The following CDC34 variants were observed in gnomAD, a reference collection of about 807,000 sequenced individuals.
The protein encoded by CDC34 is ubiquitin-conjugating enzyme E2 R1.
A neutral mutation model predicts 26.8 loss-of-function variants in CDC34; 18 were observed. The observed-to-expected ratio is 0.67, with a 90% CI of 0.47 to 1.00. The LOEUF (loss-of-function observed/expected upper bound fraction) is 1.00. Among genes scored for constraint, CDC34 ranks in the 50% least tolerant of loss-of-function variants. The pLI, the probability that CDC34 is intolerant of heterozygous loss-of-function variation, is 0.00. For missense variants in CDC34, 280 were observed against 334.5 expected, an observed-to-expected ratio of 0.84 and a Z score of 1.27; for synonymous variants, 178 against 147.5, an observed-to-expected ratio of 1.21 and a Z score of -1.50.
intron 2 of CDC34, 27 bp downstream of exon 2, chr19:535,950 G>T: frequency 1.3e-6 from 2 of 1,597,354 alleles, no homozygotes; most frequent in Non-Finnish European, 1.7e-6. Flanking sequence ...CGGGCCTCAA[G>T]TCCTCATCCT....
chr19:541,917 C>T lies in CDC34; in HGVS notation c.*365C>T, dbSNP rs7528. The T allele has an allele frequency of 0.051, 9,145 of 178,122 alleles. 291 individuals carry two copies. Among genetic ancestry groups the T allele is most frequent in the Non-Finnish European group, 0.064 (5,403 of 84,282 alleles). The allele number at this position is 178,122 out of a possible 1,614,324, so 11.0% of individuals were successfully genotyped here. A position where few individuals can be genotyped will look rare whatever the true frequency, so the allele number is the denominator to read the frequency against. ...TGGGAACGTGGGCGGGGGGCCGTTT[C>T]CTGACACTACCAGCCTGGGAGGCCC... On this transcript the variant is annotated 3_prime_UTR_variant, in exon 5 of 5. Transcript: ENST00000215574.
In CDC34 at chr19:536,307, C is replaced by T; in HGVS notation, c.329C>T (p.Pro110Leu). Reference protein sequence around the residue: ...PVDDPQSGELPSERWNPTQNV... With the variant: ...PVDDPQSGELLSERWNPTQNV... ...GACGACCCCCAGAGCGGGGAGCTGC[C>T]CTCAGAGAGGTGGAACCCCACGCAG... Residue 110 changes from proline to leucine, a missense_variant, in exon 3 of 5, where the codon CCC (proline) becomes CTC (leucine). By Grantham distance (98) the Pro-to-Leu change is moderately conservative. Coordinates refer to ENST00000215574, the MANE Select transcript of CDC34 (RefSeq NM_004359.2). 6.2e-7 allele frequency: 1 copy of T among 1,612,556 alleles called. No individual in the cohort carries two copies. Among genetic ancestry groups the T allele is most frequent in the African/African-American group, 1.3e-5 (1 of 75,044 alleles).
At position 536,394 on chromosome 19, in the gene CDC34, CGT is replaced by C. The variant is rs1161954057; in HGVS notation, c.362+55_362+56del. On this transcript the variant is annotated intron_variant, in intron 3 of 4. Transcript: ENST00000215574. Reference sequence around the variant, plus strand: ...CCAGAACATCAGGTAGGCCGGGCTCCGTCCCGTATCCACCCAGACCATCAGGT... The same window carrying C: ...CCAGAACATCAGGTAGGCCGGGCTCCCCCGTATCCACCCAGACCATCAGGT... 123 of 1,347,292 alleles carry C rather than the reference CGT, an allele frequency of 9.1e-5. No homozygotes were observed. The Middle Eastern group carries it at 1.9e-3, about 21-fold the overall frequency. 83.5% of individuals were successfully genotyped at this position (1,347,292 alleles called of 1,614,324 possible).
intron 1 of CDC34, among the ~76,000 whole-genome samples, chr19:533,767 A>G (rs950304402): frequency 1.3e-5 from 2 of 152,174 alleles, no homozygotes; most frequent in Non-Finnish European, 2.9e-5. Flanking sequence ...GGGCCTCTAG[A>G]CATCTGCCAC....
intron 1 of CDC34, among the ~76,000 whole-genome samples, chr19:535,291 C>G (rs890043132): frequency 5.3e-5 from 8 of 152,278 alleles, no homozygotes; most frequent in African/African-American, 1.9e-4. Flanking sequence ...CACCTGAGGG[C>G]AGACGGCCAT....
rs1202102101 is a variant in CDC34, at chr19:541,553, C to T, written c.*1C>T. 3.2e-6 allele frequency: 5 copies of T among 1,572,028 alleles called. No individual in the cohort carries two copies. The highest frequency in any genetic ancestry group is 2.3e-5 in the East Asian group (1 of 44,260). On this transcript the variant is annotated 3_prime_UTR_variant, in exon 5 of 5. Transcript: ENST00000215574. ...TGACTCTGGCACGGAGGAGTCCTGA[C>T]ACCACCAGAATAAACTTGCCGAGTT...
In CDC34 at chr19:536,239, G is replaced by A. The variant is rs761239346; in HGVS notation, c.265-4G>A. 3.7e-6 allele frequency: 6 copies of A among 1,601,884 alleles called. No homozygotes were observed. The Admixed American group carries it at 8.6e-5, about 23-fold the overall frequency. On this transcript the variant is annotated splice_polypyrimidine_tract_variant and splice_region_variant and intron_variant, in intron 2 of 4. Transcript: ENST00000215574. ...CTGTTCTGACCTGTCTTCTTCTTGT[G>A]CAGACGGGGGACGTGTGTATCTCCA...
chr19:538,641 T>C (rs886642550), intron 4 of CDC34: 1 of 890,018 alleles, frequency 1.1e-6, no homozygotes, highest in Non-Finnish European at 1.3e-6. Context: ...ACTTTTAAAA[T>C]ATTGCACACA....
chr19:535,762 G>T, intron 1 of CDC34, 75 bp from the exon 2 acceptor site: 1 of 1,140,458 alleles, frequency 8.8e-7, no homozygotes, highest in Non-Finnish European at 1.3e-6. Context: ...GAGTGGGATG[G>T]CCTTGGGCAC....
At position 539,915 on chromosome 19, in the gene CDC34, G is replaced by A. The variant is rs1017186334; in HGVS notation, c.498-1424G>A. ...GCCGGGTGTACACGGTGCCCTCCAGGAAGTTTGAGCTAACTTGTCCTCCCT... is the reference window on the plus strand; with the variant it reads ...GCCGGGTGTACACGGTGCCCTCCAGAAAGTTTGAGCTAACTTGTCCTCCCT... On this transcript the variant is annotated intron_variant, in intron 4 of 4. Coordinates refer to ENST00000215574, the MANE Select transcript of CDC34 (RefSeq NM_004359.2). Among the ~76,000 whole-genome samples the A allele has an allele frequency of 7.2e-5, 11 of 152,324 alleles. No homozygotes were observed. In the Middle Eastern group the frequency reaches 0.01, roughly 141 times the overall value.
intron 1 of CDC34, among the ~76,000 whole-genome samples, chr19:534,497 G>T: frequency 9.6e-6 from 1 of 103,970 alleles, no homozygotes; most frequent in Non-Finnish European, 1.9e-5. Context: ...CACGATCCAA[G>T]ACCCCCTGAG....
rs1980024292 is a variant in CDC34, at chr19:541,649, C to T, written c.*97C>T. ...CTCACGGAGGTTTTGTGCTGGTCCC[C>T]GTCTCCTCTGGTTGTTTCGTTTTGG... On this transcript the variant is annotated 3_prime_UTR_variant, in exon 5 of 5. Transcript: ENST00000215574. 8.1e-6 allele frequency: 11 copies of T among 1,352,696 alleles called. No individual in the cohort carries two copies. The highest frequency in any genetic ancestry group is 2.9e-5 in the Admixed American group (1 of 34,022). The allele number at this position is 1,352,696 out of a possible 1,614,324, so 83.8% of individuals were successfully genotyped here. A position where few individuals can be genotyped will look rare whatever the true frequency, so the allele number is the denominator to read the frequency against.
At chr19:538,582 G>C (rs1979869911) in intron 4 of CDC34, 3 of 403,368 alleles carry the variant, frequency 7.4e-6, no homozygotes, top group African/African-American at 6.5e-5. Context: ...CCTCACAGAG[G>C]CCTCACCTAT....
intron 4 of CDC34, 73 bp downstream of exon 4, chr19:537,220 C>T: frequency 6.5e-7 from 1 of 1,541,950 alleles, no homozygotes; most frequent in Non-Finnish European, 8.8e-7. Flanking sequence ...GGTCCCACGG[C>T]CGCCCAGCCC....
intron 1 of CDC34, among the ~76,000 whole-genome samples, chr19:532,440 C>T (rs567078703): frequency 1.8e-4 from 28 of 152,204 alleles, no homozygotes; most frequent in African/African-American, 5.8e-4. Flanking sequence ...CTCTTGCCCA[C>T]CTCCTCCTTG....
chr19:536,103 C>T, intron 2 of CDC34, 140 bp from the exon 3 acceptor site: 1 of 769,088 alleles, frequency 1.3e-6, no homozygotes, highest in Non-Finnish European at 2.1e-6. Flanking sequence ...CGCTGGGAGC[C>T]TCATGTCCTC....
chr19:538,187 GTGAC>G (rs1979849777), intron 4 of CDC34, among the ~76,000 whole-genome samples: 2 of 152,272 alleles, frequency 1.3e-5, no homozygotes, highest in African/African-American at 4.8e-5. Context: ...TGTGTGCCCA[GTGAC>G]TGACTGTTAG....
intron 1 of CDC34, among the ~76,000 whole-genome samples, chr19:533,686 C>T (rs1025606572): frequency 1.3e-5 from 2 of 152,342 alleles, no homozygotes; most frequent in Non-Finnish European, 2.9e-5. Context: ...GACCGGTTGC[C>T]AGGGATTGTG....
chr19:535,005 C>A (rs1979674758), intron 1 of CDC34, among the ~76,000 whole-genome samples: 1 of 152,238 alleles, frequency 6.6e-6, no homozygotes, highest in South Asian at 2.1e-4. Flanking sequence ...CAGACAACCT[C>A]TGTGTCTGGC....
Sources: allele counts gnomAD v4.1 joint callset (sites outside exome capture counted in the v4.1 genomes callset), GRCh38; gene constraint gnomAD v4.1.1; transcripts MANE v1.5; gene names NCBI Gene and HGNC (gene_info 2026-07-23, HGNC 2026-07-21).